CSMD1: variants seen among roughly 807,000 people sequenced by gnomAD.
CSMD1 encodes CUB and sushi domain-containing protein 1.
CSMD1 carries 213 observed loss-of-function variants against 417.5 expected under a neutral mutation model. That is an observed-to-expected ratio of 0.51 (90% confidence interval 0.46 to 0.57). The LOEUF (loss-of-function observed/expected upper bound fraction) is 0.57, where lower values mean the gene tolerates loss of function less well. Among genes scored for constraint, CSMD1 ranks in the 20% least tolerant of loss-of-function variants. CSMD1 has a pLI of 0.00. For missense variants in CSMD1, 6,923 were observed against 4,529.7 expected (o/e 1.53, Z -15.17); for synonymous variants, 2,862 against 1,736.8 (o/e 1.65, Z -16.11).
intron 1 of CSMD1, among the ~76,000 whole-genome samples, chr8:4,707,682 T>C (rs926396229): frequency 1.3e-5 from 2 of 150,464 alleles, no homozygotes; most frequent in Admixed American, 1.3e-4. Flanking sequence ...AGGTCAGGAG[T>C]TCCAGACCAG....
intron 2 of CSMD1, among the ~76,000 whole-genome samples, chr8:4,462,787 G>A (rs1385605766): frequency 6.7e-6 from 1 of 150,054 alleles, no homozygotes; most frequent in Non-Finnish European, 1.5e-5. Flanking sequence ...CCACAAGAGG[G>A]TACCCCTTCC....
chr8:3,511,827 A>AC, intron 10 of CSMD1, among the ~76,000 whole-genome samples: 1 of 146,974 alleles, frequency 6.8e-6, no homozygotes, highest in Non-Finnish European at 1.5e-5. Flanking sequence ...CATAACAATA[A>AC]ATAAAATAAA....
intron 1 of CSMD1, among the ~76,000 whole-genome samples, chr8:4,797,312 T>C (rs1284683571): frequency 6.6e-6 from 1 of 152,152 alleles, no homozygotes; most frequent in African/African-American, 2.4e-5. Context: ...GCTCTTGCTT[T>C]TGTGGCAGCT....
In CSMD1 at chr8:4,623,355, T is replaced by C. The variant is rs376182035; in HGVS notation, c.302+13987A>G. On this transcript the variant is annotated intron_variant, in intron 2 of 69. Transcript: ENST00000635120. ...GAGTACACTAAATATAGCAAAAACA[T>C]ACAACAACTAAAATTCATCCCTCAG... Among the ~76,000 whole-genome samples the C allele has an allele frequency of 7.9e-5, 12 of 152,022 alleles. 1 individual carries two copies. The highest frequency in any genetic ancestry group is 2.7e-4 in the African/African-American group (11 of 41,406).
intron 28 of CSMD1, among the ~76,000 whole-genome samples, chr8:3,222,156 GT>G (rs1224511058): frequency 1.3e-5 from 2 of 152,222 alleles, no homozygotes; most frequent in East Asian, 3.9e-4. Flanking sequence ...TAATCTATGG[GT>G]TGGGAGAGGC....
chr8:4,370,433 G>C (rs1282878784), intron 3 of CSMD1, among the ~76,000 whole-genome samples: 1 of 152,076 alleles, frequency 6.6e-6, no homozygotes, highest in Non-Finnish European at 1.5e-5. Context: ...GGGTCATCTT[G>C]TATAATATCT....
intron 3 of CSMD1, among the ~76,000 whole-genome samples, chr8:4,285,133 T>A (rs1796992422): frequency 6.6e-6 from 1 of 152,236 alleles, no homozygotes; most frequent in Non-Finnish European, 1.5e-5. Context: ...CCTTTTAACT[T>A]ACAGATATTT....
chr8:4,880,381 T>C (rs1803312751), intron 1 of CSMD1, among the ~76,000 whole-genome samples: 1 of 152,092 alleles, frequency 6.6e-6, no homozygotes, highest in African/African-American at 2.4e-5. Flanking sequence ...AAACCACTTG[T>C]TTGCCTCCAA....
chr8:3,720,611 C>CTTTA (rs1244910248), intron 6 of CSMD1, among the ~76,000 whole-genome samples: 1 of 63,412 alleles, frequency 1.6e-5, no homozygotes, highest in African/African-American at 6.4e-5. Flanking sequence ...TGGTCAAAGT[C>CTTTA]TTTATTCTTA....
intron 12 of CSMD1, among the ~76,000 whole-genome samples, chr8:3,440,853 CGTT>C (rs575745119): frequency 6.5e-4 from 99 of 152,256 alleles, no homozygotes; most frequent in African/African-American, 2.1e-3. Flanking sequence ...CTTGCTGAGA[CGTT>C]GTCATGAACA....
At chr8:4,293,323 T>G (rs1008223502) in intron 3 of CSMD1, among the ~76,000 whole-genome samples, 27 of 152,232 alleles carry the variant, frequency 1.8e-4, no homozygotes, top group African/African-American at 6.3e-4. Context: ...CTGACGATGC[T>G]GAAATTACTT....
At chr8:4,362,090 T>G (rs1297015223) in intron 3 of CSMD1, among the ~76,000 whole-genome samples, 2 of 152,110 alleles carry the variant, frequency 1.3e-5, no homozygotes, top group South Asian at 4.1e-4. Flanking sequence ...TTAATTGATA[T>G]ACAAATGAGA....
intron 3 of CSMD1, among the ~76,000 whole-genome samples, chr8:4,134,206 C>T (rs375486879): frequency 1.8e-4 from 27 of 152,190 alleles, no homozygotes; most frequent in African/African-American, 6.0e-4. Context: ...AGTCACTGTC[C>T]TTACACGCTG....
chr8:4,298,674 T>C (rs996993862), intron 3 of CSMD1, among the ~76,000 whole-genome samples: 24 of 152,256 alleles, frequency 1.6e-4, no homozygotes, highest in Admixed American at 9.8e-4. Context: ...AGTTATTTCA[T>C]TTTCATTTAC....
At chr8:3,438,977 T>A (rs1303263097) in intron 12 of CSMD1, among the ~76,000 whole-genome samples, 2 of 150,700 alleles carry the variant, frequency 1.3e-5, no homozygotes, top group African/African-American at 4.9e-5. Context: ...TAGCCGGGCA[T>A]GGTAGTGGGC....
intron 3 of CSMD1, among the ~76,000 whole-genome samples, chr8:4,243,944 T>C (rs987967218): frequency 1.3e-5 from 2 of 152,174 alleles, no homozygotes; most frequent in Admixed American, 6.5e-5. Flanking sequence ...TTCCTCCAAC[T>C]ACAATCATCA....
chr8:3,730,524 T>C (rs1389154355), intron 6 of CSMD1, among the ~76,000 whole-genome samples: 3 of 152,100 alleles, frequency 2.0e-5, no homozygotes, highest in Non-Finnish European at 4.4e-5. Context: ...AGGTTAGTGG[T>C]AGGGATCACA....
intron 18 of CSMD1, among the ~76,000 whole-genome samples, chr8:3,374,627 G>C (rs773656441): frequency 1.3e-5 from 2 of 152,160 alleles, no homozygotes; most frequent in Non-Finnish European, 2.9e-5. Context: ...TCCCAGGATG[G>C]TGAGTATGGA....
intron 46 of CSMD1, among the ~76,000 whole-genome samples, chr8:3,101,047 C>A (rs13249187): frequency 1.7e-5 from 2 of 114,624 alleles, no homozygotes; most frequent in East Asian, 6.1e-4. Flanking sequence ...TCACTGAATA[C>A]GTATGGTGTT....
Sources: gnomAD v4.1 joint callset for allele counts (sites outside exome capture counted in the v4.1 genomes callset) on GRCh38, gnomAD v4.1.1 for gene constraint, MANE v1.5 for transcripts, NCBI Gene and HGNC (gene_info 2026-07-23, HGNC 2026-07-21) for gene names.